The following MAPK8IP3 variants were observed in gnomAD, a reference collection of about 807,000 sequenced individuals.
MAPK8IP3 encodes mitogen-activated protein kinase 8 interacting protein 3.
In MAPK8IP3, 49 loss-of-function variants were observed where a neutral mutation model predicts 157.8. That is an observed-to-expected ratio of 0.31 (90% CI 0.25 to 0.39). The LOEUF (loss-of-function observed/expected upper bound fraction) is 0.39. Ranked by LOEUF, MAPK8IP3 falls within the 10% of genes least tolerant of loss-of-function variation. The probability of loss-of-function intolerance (pLI) is 1.00; values close to 1 mark genes in which losing one functional copy is unlikely to be tolerated. For synonymous variants in MAPK8IP3, 897 were observed against 777.7 expected, an observed-to-expected ratio of 1.15 and a Z score of -2.55; for missense variants, 1,478 against 1,889.4, an observed-to-expected ratio of 0.78 and a Z score of 4.04.
chr16:1,732,132 C>T (rs577752529), intron 4 of MAPK8IP3, among the ~76,000 whole-genome samples: 4 of 152,316 alleles, frequency 2.6e-5, no homozygotes, highest in South Asian at 2.1e-4. Context: ...AGACCAGAGA[C>T]GCGACCTGGG....
intron 5 of MAPK8IP3, chr16:1,746,784 C>G (rs1330573372): frequency 1.8e-6 from 1 of 554,568 alleles, no homozygotes; most frequent in Non-Finnish European, 3.2e-6. Context: ...CCGTTCCAAG[C>G]CATTTCAGGA....
At chr16:1,722,422 C>T (rs539352536) in intron 1 of MAPK8IP3, among the ~76,000 whole-genome samples, 16 of 152,282 alleles carry the variant, frequency 1.1e-4, no homozygotes, top group African/African-American at 3.6e-4. Flanking sequence ...GAAGAAGCGT[C>T]GAGGAGCCTA....
At chr16:1,749,800 G>C (rs759775621) in intron 8 of MAPK8IP3, among the ~76,000 whole-genome samples, 14 of 152,210 alleles carry the variant, frequency 9.2e-5, no homozygotes, top group Non-Finnish European at 1.9e-4. Context: ...TCTTATCTGG[G>C]GCAGGGGGAC....
At chr16:1,719,849 G>C (rs201074391) in intron 1 of MAPK8IP3, among the ~76,000 whole-genome samples, 1 of 152,088 alleles carries the variant, frequency 6.6e-6, no homozygotes, top group South Asian at 2.1e-4. Flanking sequence ...AAGAAAAAAA[G>C]CCTCAAAAAC....
At position 1,710,314 on chromosome 16, in the gene MAPK8IP3, A is replaced by AG. The variant is rs2037688662; in HGVS notation, c.318+3658dup. 6.6e-6 allele frequency among the ~76,000 whole-genome samples: 1 copy of AG among 151,806 alleles called. No homozygotes were observed. The highest frequency in any genetic ancestry group is 1.5e-5 in the Non-Finnish European group (1 of 67,966). On this transcript the variant is annotated intron_variant, in intron 1 of 31. Coordinates refer to ENST00000610761, the MANE Select transcript of MAPK8IP3 (RefSeq NM_001318852.2). The surrounding 1 kb of genome is among the most constrained non-coding windows in gnomAD (Gnocchi z 4.1). ...CCTGTCTCTACTAAAGAAAAAAAAA[A>AG]GAAAAAAAAATTAGCCAGGTGTGGC...
In MAPK8IP3 at chr16:1,765,007, A is replaced by C; in HGVS notation, c.2281-6A>C. 1 of 1,597,784 alleles carries C rather than the reference A, an allele frequency of 6.3e-7. No individual in the cohort carries two copies. The highest frequency in any genetic ancestry group is 8.6e-7 in the Non-Finnish European group (1 of 1,167,712). On this transcript the variant is annotated splice_polypyrimidine_tract_variant and splice_region_variant and intron_variant, in intron 19 of 31. Transcript: ENST00000610761. ...GCTCTGACCTTGATCCCGTGCCCTG[A>C]AACAGGCCAAGGAGCTCCCTGAAAT...
rs2037432603 is a variant in MAPK8IP3 at position 1,706,896 on chromosome 16, G to A, written c.318+239G>A. Among the ~76,000 whole-genome samples the A allele has an allele frequency of 1.5e-5, 1 of 68,626 alleles. No homozygotes were observed. The highest frequency in any genetic ancestry group is 2.7e-5 in the Non-Finnish European group (1 of 36,510). The allele number at this position is 68,626 out of a possible 152,430, so 45.0% of individuals were successfully genotyped here. A position where few individuals can be genotyped will look rare whatever the true frequency, so the allele number is the denominator to read the frequency against. The stretch of plus-strand genomic sequence containing the variant: ...CCTAGAGCACTCCCCCGCCTGCCCC[G>A]GGACCCCACCCCGACTCCCGGGGAC... On this transcript the variant is annotated intron_variant, in intron 1 of 31. Transcript: ENST00000610761. The surrounding 1 kb of genome is among the most constrained non-coding windows in gnomAD (Gnocchi z 5.1).
rs1267624013 is a variant in MAPK8IP3 at position 1,742,039 on chromosome 16, C to G, written c.603-1293C>G. Among the ~76,000 whole-genome samples the G allele has an allele frequency of 6.6e-6, 1 of 152,152 alleles. No homozygotes were observed. Among genetic ancestry groups the G allele is most frequent in the Non-Finnish European group, 1.5e-5 (1 of 68,024 alleles). ...GGTTCCTTGAACCCCTGAGGAAGCT[C>G]CCTTCCCTCCTACAGTCTCAGGGCT... is the stretch of plus-strand genomic sequence containing the variant. On this transcript the variant is annotated intron_variant, in intron 4 of 31. Transcript: ENST00000610761. The surrounding 1 kb of genome is among the most constrained non-coding windows in gnomAD (Gnocchi z 5.0).
rs906153073 is a variant in MAPK8IP3, at chr16:1,751,151, C to T, written c.1216+2431C>T. 6.6e-6 allele frequency among the ~76,000 whole-genome samples: 1 copy of T among 152,040 alleles called. No homozygotes were observed. The highest frequency in any genetic ancestry group is 2.4e-5 in the African/African-American group (1 of 41,416). On this transcript the variant is annotated intron_variant, in intron 8 of 31. Coordinates refer to ENST00000610761, the MANE Select transcript of MAPK8IP3 (RefSeq NM_001318852.2). The surrounding 1 kb of genome is among the most constrained non-coding windows in gnomAD (Gnocchi z 5.0). The stretch of plus-strand genomic sequence containing the variant: ...TCAAGCCGCCCTCCTGCCAGTGTCC[C>T]CATTTATAGATGAAGAAACTGAGGC...
At chr16:1,738,363 TGA>T (rs1231830925) in intron 4 of MAPK8IP3, among the ~76,000 whole-genome samples, 8 of 88,698 alleles carry the variant, frequency 9.0e-5, no homozygotes, top group Non-Finnish European at 1.6e-4. Flanking sequence ...ACCATCCGTG[TGA>T]GTGTGACCAT....
At chr16:1,767,105 T>C in intron 25 of MAPK8IP3, 44 bp from the exon 26 acceptor site, 1 of 1,606,548 alleles carries the variant, frequency 6.2e-7, no homozygotes, top group Non-Finnish European at 8.5e-7. Context: ...TGAGCAGAGG[T>C]GGGGCCTGGC....
chr16:1,767,315 C>A lies in MAPK8IP3; in HGVS notation c.3237+18C>A. 1 of 1,612,240 alleles carries A rather than the reference C, an allele frequency of 6.2e-7. No individual in the cohort carries two copies. The highest frequency in any genetic ancestry group is 8.5e-7 in the Non-Finnish European group (1 of 1,179,542). ...AGATAGAGGCGAGTGCCGGCCAGGG[C>A]CCCGGGGAGGGGAAGAGGCTCCTGC... On this transcript the variant is annotated intron_variant, in intron 26 of 31. Transcript: ENST00000610761.
At chr16:1,755,838 G>A (rs2041563494) in intron 8 of MAPK8IP3, among the ~76,000 whole-genome samples, 1 of 140,926 alleles carries the variant, frequency 7.1e-6, no homozygotes, top group South Asian at 2.3e-4. Flanking sequence ...GTGACAGAGT[G>A]AGAGTCTTTC....
chr16:1,765,660 G>A (rs1364414493), intron 20 of MAPK8IP3, among the ~76,000 whole-genome samples: 1 of 152,218 alleles, frequency 6.6e-6, no homozygotes, highest in African/African-American at 2.4e-5. Context: ...TGAAACCACA[G>A]GGCCGTCTGG....
rs1408694178 is a variant in MAPK8IP3, at chr16:1,751,162, TGAA to T, written c.1216+2446_1216+2448del. ...TCCTGCCAGTGTCCCCATTTATAGA[TGAA>T]GAAACTGAGGCCGGGCACAGTGGCT... On this transcript the variant is annotated intron_variant, in intron 8 of 31. Coordinates refer to ENST00000610761, the MANE Select transcript of MAPK8IP3 (RefSeq NM_001318852.2). This position sits in a 1 kb window ranked among gnomAD's most constrained non-coding sequence, Gnocchi z 5.0. Among the ~76,000 whole-genome samples the T allele has an allele frequency of 6.6e-6, 1 of 151,900 alleles. No individual in the cohort carries two copies. The highest frequency in any genetic ancestry group is 1.5e-5 in the Non-Finnish European group (1 of 67,980).
chr16:1,766,586 G>A lies in MAPK8IP3; in HGVS notation c.2877G>A (p.Gly959=), dbSNP rs1391543650. ...SSTRPEPEPS[G]DPTGAGSSAA... ...CACGGCCAGAGCCAGAGCCCAGCGG[G>A]GACCCCACGGGAGCAGGCAGCAGTG... The change falls in exon 23 of 32, where the codon GGG becomes GGA. Residue 959 remains glycine (G), a synonymous_variant. Transcript: ENST00000610761. The A allele has an allele frequency of 1.2e-6, 2 of 1,612,292 alleles. No homozygotes were observed. The highest frequency in any genetic ancestry group is 1.7e-6 in the Non-Finnish European group (2 of 1,179,872).
Position 1,743,681 on chromosome 16 carries a change from TC to T in MAPK8IP3, c.747+207del. On this transcript the variant is annotated intron_variant, in intron 5 of 31. Transcript: ENST00000610761. This position sits in a 1 kb window ranked among gnomAD's most constrained non-coding sequence, Gnocchi z 5.6. ...GCAGGCCCTGTGTGGCTGTGGCTGT[TC>T]CACGCGGCCTCGTGTCGGCACCTGC... 5 of 1,409,804 alleles carry T rather than the reference TC, an allele frequency of 3.5e-6. No individual in the cohort carries two copies. The highest frequency in any genetic ancestry group is 4.6e-6 in the Non-Finnish European group (5 of 1,090,460). The allele number at this position is 1,409,804 out of a possible 1,614,324, so 87.3% of individuals were successfully genotyped here. A position where few individuals can be genotyped will look rare whatever the true frequency, so the allele number is the denominator to read the frequency against.
chr16:1,745,692 A>T (rs759546581), intron 5 of MAPK8IP3: 2 of 152,274 alleles, frequency 1.3e-5, no homozygotes, highest in Non-Finnish European at 2.9e-5. Context: ...TTGTGACCAC[A>T]AAAATGTCTC....
At chr16:1,762,575 G>T (rs2042015216) in intron 14 of MAPK8IP3, 94 bp downstream of exon 14, 14 of 1,571,300 alleles carry the variant, frequency 8.9e-6, no homozygotes, top group Non-Finnish European at 1.1e-5. Context: ...CTTCTGGGGG[G>T]ACTGAAGTGC....
Sources: gnomAD v4.1 joint callset for allele counts (sites outside exome capture counted in the v4.1 genomes callset) on GRCh38, gnomAD v4.1.1 for gene constraint, Gnocchi (gnomAD v3.1) non-coding constraint, MANE v1.5 for transcripts, NCBI Gene and HGNC (gene_info 2026-07-23, HGNC 2026-07-21) for gene names.